Variants in MAPKAP1 observed in about 807,000 individuals in gnomAD.
MAPKAP1 encodes the protein MAPK associated protein 1.
MAPKAP1 carries 20 observed loss-of-function variants against 65.7 expected under a neutral mutation model. The ratio of observed to expected loss-of-function variants is 0.30; its 90% CI spans 0.21 to 0.44. MAPKAP1 has a LOEUF of 0.44. Among genes scored for constraint, MAPKAP1 ranks in the 20% least tolerant of loss-of-function variants. The pLI, the probability that MAPKAP1 is intolerant of heterozygous loss-of-function variation, is 1.00. For missense variants in MAPKAP1, 423 were observed against 648.0 expected, an observed-to-expected ratio of 0.65 and a Z score of 3.77; for synonymous variants, 222 against 244.3, an observed-to-expected ratio of 0.91 and a Z score of 0.85.
chr9:125,658,162 T>C (rs1792779889), intron 3 of MAPKAP1, among the ~76,000 whole-genome samples: 1 of 152,166 alleles, frequency 6.6e-6, no homozygotes, highest in South Asian at 2.1e-4. Flanking sequence ...CTTTCTGGGC[T>C]TGTCAAACTA....
intron 4 of MAPKAP1, among the ~76,000 whole-genome samples, chr9:125,640,471 C>T (rs1256877179): frequency 6.6e-6 from 1 of 151,986 alleles, no homozygotes; most frequent in Admixed American, 6.5e-5. Context: ...ATCAATGCAC[C>T]CCCGAGACCA....
At chr9:125,623,058 G>C (rs1229475160) in intron 4 of MAPKAP1, among the ~76,000 whole-genome samples, 1 of 151,220 alleles carries the variant, frequency 6.6e-6, no homozygotes, top group Admixed American at 6.6e-5. Flanking sequence ...TCGGCCTCCC[G>C]AGGTGCCGGG....
At chr9:125,512,620 C>T (rs1055555332) in intron 7 of MAPKAP1, among the ~76,000 whole-genome samples, 4 of 151,872 alleles carry the variant, frequency 2.6e-5, no homozygotes, top group East Asian at 1.9e-4. Context: ...CTTGCTCTGT[C>T]GCCCAGGTTG....
chr9:125,540,337 C>G (rs1830205881), intron 7 of MAPKAP1, among the ~76,000 whole-genome samples: 1 of 152,148 alleles, frequency 6.6e-6, no homozygotes, highest in Non-Finnish European at 1.5e-5. Flanking sequence ...TTATTATTAT[C>G]AGACAAACAG....
intron 5 of MAPKAP1, among the ~76,000 whole-genome samples, chr9:125,576,470 C>T (rs78002400): frequency 0.026 from 4,024 of 152,080 alleles, 183 homozygotes; most frequent in African/African-American, 0.093. Context: ...TTTAAAAAAA[C>T]GAAGCATAGC....
At chr9:125,645,565 CG>C in intron 4 of MAPKAP1, among the ~76,000 whole-genome samples, 1 of 151,878 alleles carries the variant, frequency 6.6e-6, no homozygotes. Flanking sequence ...GGTGAAACCC[CG>C]TCTCTACTAA....
chr9:125,567,798 A>G (rs1831105302), intron 5 of MAPKAP1: 1 of 152,130 alleles, frequency 6.6e-6, no homozygotes, highest in South Asian at 2.1e-4. Context: ...CTTTGGGTAA[A>G]TGTTGGGGTC....
At chr9:125,643,990 G>C (rs780026446) in intron 4 of MAPKAP1, among the ~76,000 whole-genome samples, 6 of 152,136 alleles carry the variant, frequency 3.9e-5, no homozygotes, top group Non-Finnish European at 8.8e-5. Context: ...TGGATAGGTA[G>C]CCAGGAAATA....
chr9:125,696,317 G>A (rs940227530), intron 1 of MAPKAP1: 3 of 151,758 alleles, frequency 2.0e-5, no homozygotes, highest in African/African-American at 7.3e-5. Context: ...AGGAAGAGGT[G>A]GGAGGATCGC....
chr9:125,695,393 C>T (rs1426460588), intron 1 of MAPKAP1, among the ~76,000 whole-genome samples: 1 of 152,084 alleles, frequency 6.6e-6, no homozygotes, highest in Non-Finnish European at 1.5e-5. Context: ...TGAAATATGA[C>T]AACATGGTCA....
At chr9:125,628,513 G>A (rs925774797) in intron 4 of MAPKAP1, among the ~76,000 whole-genome samples, 3 of 152,026 alleles carry the variant, frequency 2.0e-5, no homozygotes, top group Non-Finnish European at 4.4e-5. Flanking sequence ...CTTTTGTATG[G>A]ATATCCACAT....
chr9:125,553,822 AG>A (rs1830656695), intron 6 of MAPKAP1, among the ~76,000 whole-genome samples: 1 of 152,078 alleles, frequency 6.6e-6, no homozygotes, highest in East Asian at 1.9e-4. Flanking sequence ...AGATCACTTG[AG>A]TCCAGGAGTT....
At chr9:125,442,891 T>C (rs556632096) in intron 11 of MAPKAP1, among the ~76,000 whole-genome samples, 1 of 152,218 alleles carries the variant, frequency 6.6e-6, no homozygotes, top group Non-Finnish European at 1.5e-5. Context: ...CAATTCTATT[T>C]CATTGAAATC....
At chr9:125,700,255 C>G (rs1289225134) in intron 1 of MAPKAP1, among the ~76,000 whole-genome samples, 3 of 152,192 alleles carry the variant, frequency 2.0e-5, no homozygotes, top group African/African-American at 7.2e-5. Flanking sequence ...AAACAATTTT[C>G]TACCAATTTC....
intron 7 of MAPKAP1, among the ~76,000 whole-genome samples, chr9:125,533,822 T>G (rs969080097): frequency 6.6e-6 from 1 of 152,184 alleles, no homozygotes; most frequent in Non-Finnish European, 1.5e-5. Flanking sequence ...AATCCATATT[T>G]AAAATCTAGC....
chr9:125,643,650 T>C (rs1031425802), intron 4 of MAPKAP1, among the ~76,000 whole-genome samples: 1 of 152,216 alleles, frequency 6.6e-6, no homozygotes, highest in African/African-American at 2.4e-5. Flanking sequence ...TTATTGGGCA[T>C]TGAGGTTGCT....
chr9:125,449,808 A>C (rs1852873205), intron 10 of MAPKAP1, among the ~76,000 whole-genome samples: 1 of 152,210 alleles, frequency 6.6e-6, no homozygotes, highest in Admixed American at 6.5e-5. Context: ...TGCTGTGGTC[A>C]TGAGATGGGA....
chr9:125,551,281 G>A (rs1158754051), intron 6 of MAPKAP1, among the ~76,000 whole-genome samples: 1 of 151,956 alleles, frequency 6.6e-6, no homozygotes, highest in Non-Finnish European at 1.5e-5. Flanking sequence ...GGTCACTTGG[G>A]GTATACTGTG....
chr9:125,629,235 C>T (rs1368782097), intron 4 of MAPKAP1, among the ~76,000 whole-genome samples: 1 of 152,130 alleles, frequency 6.6e-6, no homozygotes, highest in Non-Finnish European at 1.5e-5. Flanking sequence ...TTCAGTAATC[C>T]CACTTCTGGG....
Sources: gnomAD v4.1 joint callset for allele counts (sites outside exome capture counted in the v4.1 genomes callset) on GRCh38, gnomAD v4.1.1 for gene constraint, MANE v1.5 for transcripts, NCBI Gene and HGNC (gene_info 2026-07-23, HGNC 2026-07-21) for gene names.